EXOSC9: variants seen among roughly 807,000 people sequenced by gnomAD.
EXOSC9 encodes exosome component 9.
Under a neutral mutation model 56.5 loss-of-function variants are expected in EXOSC9, and 38 were observed. That is an observed-to-expected ratio of 0.67 (90% CI 0.52 to 0.88). The LOEUF (loss-of-function observed/expected upper bound fraction) is 0.88, where lower values mean the gene tolerates loss of function less well. Among genes scored for constraint, EXOSC9 ranks in the 40% least tolerant of loss-of-function variants. The probability of loss-of-function intolerance (pLI) is 0.00; values close to 1 mark genes in which losing one functional copy is unlikely to be tolerated. For missense variants in EXOSC9, 559 were observed against 530.5 expected (o/e 1.05, Z -0.53); for synonymous variants, 170 against 170.8 (o/e 0.99, Z 0.04).
chr4:121,810,303 C>G (rs1238130977), intron 7 of EXOSC9, among the ~76,000 whole-genome samples: 1 of 152,062 alleles, frequency 6.6e-6, no homozygotes, highest in Non-Finnish European at 1.5e-5. Flanking sequence ...CCTTGGTGCT[C>G]CCGTGTCTGG....
At chr4:121,804,265 T>C (rs1475294642) in intron 4 of EXOSC9, among the ~76,000 whole-genome samples, 1 of 151,772 alleles carries the variant, frequency 6.6e-6, no homozygotes, top group East Asian at 1.9e-4. Context: ...TCTGCCACCT[T>C]GACCTCCCAA....
At position 121,816,433 on chromosome 4, in the gene EXOSC9, T is replaced by G. The variant is rs760015473; in HGVS notation, c.1221T>G (p.Asn407Lys). The change falls in exon 11 of 12, where the codon AAT becomes AAG. Residue 407 changes from asparagine (N) to lysine (K), a missense_variant. Coordinates refer to ENST00000243498, the MANE Select transcript of EXOSC9 (RefSeq NM_005033.3). ...EEMIILEPDK[N>K]PKKIRTQTTS... ...TGATCATTTTGGAACCAGACAAGAATCCAAAGAAAATAAGGTAACAAATTT... is the reference window on the plus strand; with the variant it reads ...TGATCATTTTGGAACCAGACAAGAAGCCAAAGAAAATAAGGTAACAAATTT... 1 of 1,574,960 alleles carries G rather than the reference T, an allele frequency of 6.3e-7. No individual in the cohort carries two copies. Among genetic ancestry groups the G allele is most frequent in the East Asian group, 2.3e-5 (1 of 43,690 alleles).
At chr4:121,815,001 A>C (rs1479730236) in intron 10 of EXOSC9, 1 of 152,202 alleles carries the variant, frequency 6.6e-6, no homozygotes, top group Non-Finnish European at 1.5e-5. Context: ...ATGTAATGCA[A>C]ATACTTCTGT....
intron 8 of EXOSC9, among the ~76,000 whole-genome samples, chr4:121,812,716 C>A (rs1368401727): frequency 6.6e-6 from 1 of 152,058 alleles, no homozygotes; most frequent in African/African-American, 2.4e-5. Context: ...GTCTCAAACT[C>A]CTGACCTCAG....
intron 10 of EXOSC9, chr4:121,815,693 C>T: frequency 1.0e-6 from 1 of 985,790 alleles, no homozygotes; most frequent in Non-Finnish European, 1.2e-6. Context: ...TTAAAAACAC[C>T]AGCAATGCCA....
intron 8 of EXOSC9, 33 bp from the exon 9 acceptor site, chr4:121,813,201 C>A: frequency 6.3e-7 from 1 of 1,585,796 alleles, no homozygotes. Flanking sequence ...CTTCCTCCCC[C>A]TTCCTTCCCA....
At position 121,811,578 on chromosome 4, in the gene EXOSC9, A is replaced by T. The variant is rs1222945853; in HGVS notation, c.739-5A>T. On this transcript the variant is annotated splice_polypyrimidine_tract_variant and splice_region_variant and intron_variant, in intron 7 of 11. Transcript: ENST00000243498. ...TTAAACAACAGAATTCACTTTTATA[A>T]ATAGGTTCTGAGATGCAGTAAAATC... is the stretch of plus-strand genomic sequence containing the variant. 6.5e-7 allele frequency: 1 copy of T among 1,530,366 alleles called. No individual in the cohort carries two copies. The allele number at this position is 1,530,366 out of a possible 1,614,324, so 94.8% of individuals were successfully genotyped here. A position where few individuals can be genotyped will look rare whatever the true frequency, so the allele number is the denominator to read the frequency against.
At chr4:121,808,487 G>C (rs1248503799) in intron 6 of EXOSC9, among the ~76,000 whole-genome samples, 1 of 152,030 alleles carries the variant, frequency 6.6e-6, no homozygotes, top group Non-Finnish European at 1.5e-5. Flanking sequence ...AGCCTTCCGA[G>C]TAGTTGAGAC....
chr4:121,805,842 G>A (rs1026355192), intron 5 of EXOSC9, among the ~76,000 whole-genome samples: 7 of 143,090 alleles, frequency 4.9e-5, no homozygotes, highest in East Asian at 4.0e-4. Flanking sequence ...ATCTCACTCC[G>A]TTGTCCAGGC....
chr4:121,803,973 A>G (rs1348372725), intron 4 of EXOSC9, among the ~76,000 whole-genome samples: 15 of 152,134 alleles, frequency 9.9e-5, no homozygotes, highest in Admixed American at 9.8e-4. Flanking sequence ...ACAAAACCTA[A>G]AAGTTTAATT....
Position 121,801,868 on chromosome 4 carries a change from G to C in EXOSC9, c.108G>C (p.Arg36Ser), listed in dbSNP as rs1439202058. ...AAACCTATGATTATAGGAACATCAG[G>C]ATCTCATTTGGAACAGATTACGGAT... ...GRQTYDYRNIRISFGTDYGCC... is the reference protein window; with the variant it reads ...GRQTYDYRNISISFGTDYGCC... Residue 36 changes from arginine (R) to serine (S), a missense_variant, in exon 2 of 12, where the codon AGG becomes AGC. By Grantham distance (110) the Arg-to-Ser change is moderately radical (BLOSUM62 -1). Coordinates refer to ENST00000243498, the MANE Select transcript of EXOSC9 (RefSeq NM_005033.3). The C allele has an allele frequency of 6.2e-7, 1 of 1,613,932 alleles. No homozygotes were observed. Among genetic ancestry groups the C allele is most frequent in the Non-Finnish European group, 8.5e-7 (1 of 1,179,956 alleles).
chr4:121,808,979 TTAC>T, intron 6 of EXOSC9, among the ~76,000 whole-genome samples: 1 of 150,888 alleles, frequency 6.6e-6, no homozygotes, highest in Non-Finnish European at 1.5e-5. Context: ...GCAGCATTTG[TTAC>T]TTTTTAAATT....
At chr4:121,808,733 A>G (rs1727119828) in intron 6 of EXOSC9, among the ~76,000 whole-genome samples, 1 of 150,464 alleles carries the variant, frequency 6.6e-6, no homozygotes, top group African/African-American at 2.5e-5. Flanking sequence ...GCTTGAGTGC[A>G]GTGGCGTGAT....
Position 121,810,046 on chromosome 4 carries a change from C to G in EXOSC9, c.685C>G (p.Arg229Gly), listed in dbSNP as rs935979786. The G allele has an allele frequency of 1.2e-6, 2 of 1,613,798 alleles. No individual in the cohort carries two copies. The highest frequency in any genetic ancestry group is 1.1e-5 in the South Asian group (1 of 91,074). ...GLLVIAMNKHREICTIQSSGG... is the reference protein window; with the variant it reads ...GLLVIAMNKHGEICTIQSSGG... ...GCTGGTGATTGCCATGAACAAACAT[C>G]GAGAGATTTGTACTATCCAGTCCAG... Residue 229 changes from arginine to glycine, a missense_variant, in exon 7 of 12, where the codon CGA becomes GGA. Physicochemically the swap from Arg to Gly is moderately radical, Grantham distance 125 (BLOSUM62 -2). Coordinates refer to ENST00000243498, the MANE Select transcript of EXOSC9 (RefSeq NM_005033.3).
At chr4:121,811,505 A>G (rs1474342867) in intron 7 of EXOSC9, 78 bp from the exon 8 acceptor site, 2 of 764,482 alleles carry the variant, frequency 2.6e-6, no homozygotes, top group Admixed American at 3.3e-5. Flanking sequence ...AGGTAGAAAA[A>G]TTTCATGGTT....
intron 3 of EXOSC9, 49 bp downstream of exon 3, chr4:121,802,842 A>G: frequency 6.2e-7 from 1 of 1,612,814 alleles, no homozygotes; most frequent in South Asian, 1.1e-5. Context: ...AGAACCTAAC[A>G]GCAGTGAGCT....
At chr4:121,804,313 C>G (rs1726957170) in intron 4 of EXOSC9, among the ~76,000 whole-genome samples, 1 of 151,838 alleles carries the variant, frequency 6.6e-6, no homozygotes, top group Non-Finnish European at 1.5e-5. Context: ...TGTGCCTGGC[C>G]TAGAGTTTGT....
intron 5 of EXOSC9, among the ~76,000 whole-genome samples, chr4:121,805,624 GA>G (rs982599294): frequency 1.3e-5 from 2 of 151,798 alleles, no homozygotes; most frequent in Non-Finnish European, 2.9e-5. Context: ...ATAAGGAAGT[GA>G]AAAAAAGTAG....
chr4:121,810,990 G>A (rs1164999390), intron 7 of EXOSC9, among the ~76,000 whole-genome samples: 1 of 152,184 alleles, frequency 6.6e-6, no homozygotes, highest in Non-Finnish European at 1.5e-5. Context: ...TCACATGGGA[G>A]CTTTTAGAAA....
Sources: gnomAD v4.1 joint callset for allele counts (sites outside exome capture counted in the v4.1 genomes callset) on GRCh38, gnomAD v4.1.1 for gene constraint, MANE v1.5 for transcripts, NCBI Gene and HGNC (gene_info 2026-07-23, HGNC 2026-07-21) for gene names.